The following ZBTB7C variants were observed in gnomAD, a reference collection of about 807,000 sequenced individuals.
The protein encoded by ZBTB7C is zinc finger and BTB domain-containing protein 7C.
Under a neutral mutation model 25.7 loss-of-function variants are expected in ZBTB7C, and 8 were observed. That is an observed-to-expected ratio of 0.31 (90% CI 0.18 to 0.56). The LOEUF (loss-of-function observed/expected upper bound fraction) is 0.56. ZBTB7C is among the 20% of genes least tolerant of loss of function. The pLI, the probability that ZBTB7C is intolerant of heterozygous loss-of-function variation, is 0.91. For synonymous variants in ZBTB7C, 394 were observed against 369.0 expected (o/e 1.07, Z -0.78); for missense variants, 824 against 855.2 (o/e 0.96, Z 0.46).
chr18:48,371,568 G>C (rs575157959), intron 1 of ZBTB7C, among the ~76,000 whole-genome samples: 17 of 152,238 alleles, frequency 1.1e-4, no homozygotes. Flanking sequence ...CTGCCAATGG[G>C]CAGGATAACC....
intron 3 of ZBTB7C, among the ~76,000 whole-genome samples, chr18:48,158,735 A>G (rs2040912215): frequency 6.6e-6 from 1 of 152,204 alleles, no homozygotes. Context: ...TGGTGGAAAC[A>G]GAAGATAGAC....
chr18:48,280,036 G>A (rs111804976), intron 2 of ZBTB7C, among the ~76,000 whole-genome samples: 2 of 152,140 alleles, frequency 1.3e-5, no homozygotes, highest in Non-Finnish European at 2.9e-5. Flanking sequence ...ACTGTGCAAG[G>A]TGCTAGAGAC....
chr18:48,304,840 T>TC (rs2045631914), intron 2 of ZBTB7C, among the ~76,000 whole-genome samples: 1 of 29,222 alleles, frequency 3.4e-5, no homozygotes, highest in South Asian at 9.8e-4. Flanking sequence ...AGGCTCTACC[T>TC]CAAAAAAAAA....
chr18:48,308,333 A>ATCGCCCC (rs1425673771), intron 2 of ZBTB7C, among the ~76,000 whole-genome samples: 3 of 152,156 alleles, frequency 2.0e-5, no homozygotes, highest in Non-Finnish European at 4.4e-5. Context: ...TTGTTCCTCA[A>ATCGCCCC]AGGGCGATTC....
chr18:48,382,542 T>C (rs1227231503), intron 1 of ZBTB7C, among the ~76,000 whole-genome samples: 3 of 152,198 alleles, frequency 2.0e-5, no homozygotes, highest in Non-Finnish European at 4.4e-5. Context: ...TCCCACATCC[T>C]CGGTGACGAC....
chr18:48,151,034 G>A (rs967622174), intron 3 of ZBTB7C, among the ~76,000 whole-genome samples: 5 of 152,176 alleles, frequency 3.3e-5, no homozygotes, highest in African/African-American at 1.2e-4. Context: ...AGATCTCTAA[G>A]GATGCATGCT....
intron 2 of ZBTB7C, among the ~76,000 whole-genome samples, chr18:48,270,390 C>A (rs2044445644): frequency 6.6e-6 from 1 of 150,922 alleles, no homozygotes; most frequent in African/African-American, 2.4e-5. Flanking sequence ...TGCCACCATG[C>A]CCAGCTAATT....
intron 3 of ZBTB7C, among the ~76,000 whole-genome samples, chr18:48,138,517 G>A (rs1404972067): frequency 6.6e-6 from 1 of 152,184 alleles, no homozygotes; most frequent in Non-Finnish European, 1.5e-5. Context: ...GAATGCATCT[G>A]TCAAACCCTC....
chr18:48,222,043 T>C (rs2042976713), intron 2 of ZBTB7C, among the ~76,000 whole-genome samples: 1 of 148,944 alleles, frequency 6.7e-6, no homozygotes, highest in Admixed American at 6.7e-5. Context: ...ACTGCCCTAG[T>C]CTTCTCCTTC....
At chr18:48,315,954 A>G (rs1482963397) in intron 2 of ZBTB7C, among the ~76,000 whole-genome samples, 5 of 152,028 alleles carry the variant, frequency 3.3e-5, no homozygotes, top group African/African-American at 4.8e-5. Flanking sequence ...GTAAGAAAGG[A>G]TCAGCAATTT....
chr18:48,230,792 G>A (rs765227567), intron 2 of ZBTB7C, among the ~76,000 whole-genome samples: 7 of 152,160 alleles, frequency 4.6e-5, no homozygotes, highest in Non-Finnish European at 1.0e-4. Context: ...TGCAGAGTGA[G>A]AGTGCAGACC....
Position 48,029,912 on chromosome 18 carries a change from C to T in ZBTB7C, c.1209-1G>A. On this transcript the variant is annotated splice_acceptor_variant, in intron 4 of 4. Transcript: ENST00000590800. LOFTEE classifies it high-confidence loss of function. ...CATGTGGATTTTCAGCTTGTCCTGCCTGCAATGCAGAGACTGGGGGTCAGT... is the reference window on the plus strand; with the variant it reads ...CATGTGGATTTTCAGCTTGTCCTGCTTGCAATGCAGAGACTGGGGGTCAGT... 1 of 1,610,800 alleles carries T rather than the reference C, an allele frequency of 6.2e-7. No individual in the cohort carries two copies. Among genetic ancestry groups the T allele is most frequent in the Non-Finnish European group, 8.5e-7 (1 of 1,179,972 alleles).
chr18:48,179,673 C>CTCCTTCCTTCCTTCCTTCCT (rs113058200), intron 3 of ZBTB7C, among the ~76,000 whole-genome samples: 25 of 146,162 alleles, frequency 1.7e-4, no homozygotes, highest in African/African-American at 5.9e-4. Flanking sequence ...ATATTTCTCT[C>CTCCTTCCTTCCTTCCTTCCT]TCCTTCCTTC....
rs540090592 is a variant in ZBTB7C, at chr18:48,144,777, G to A, written c.-17+41157C>T. Reference sequence around the variant, plus strand: ...TCTTCACTCCCGATTGAGGGATTGGGGAGTCCATGGGAGAGTTCTACTCCT... The same window carrying A: ...TCTTCACTCCCGATTGAGGGATTGGAGAGTCCATGGGAGAGTTCTACTCCT... On this transcript the variant is annotated intron_variant, in intron 3 of 4. Coordinates refer to ENST00000590800, the MANE Select transcript of ZBTB7C (RefSeq NM_001318841.2). Among the ~76,000 whole-genome samples, 9 of 152,250 alleles carry A rather than the reference G, an allele frequency of 5.9e-5. No homozygotes were observed. In the South Asian group the frequency reaches 1.9e-3, roughly 32 times the overall value.
chr18:48,075,288 C>A (rs559563255), intron 3 of ZBTB7C, among the ~76,000 whole-genome samples: 2 of 152,328 alleles, frequency 1.3e-5, no homozygotes, highest in East Asian at 1.9e-4. Flanking sequence ...CCTTACTGTT[C>A]TATGGGAGAG....
chr18:48,339,848 C>T (rs565730202), intron 1 of ZBTB7C, among the ~76,000 whole-genome samples: 19 of 152,240 alleles, frequency 1.2e-4, no homozygotes, highest in South Asian at 8.3e-4. Flanking sequence ...TTAACAGGAG[C>T]GGCTCAGGCA....
At chr18:48,152,264 T>C (rs569315884) in intron 3 of ZBTB7C, among the ~76,000 whole-genome samples, 11 of 152,304 alleles carry the variant, frequency 7.2e-5, no homozygotes, top group Non-Finnish European at 1.2e-4. Context: ...TATGATCCTT[T>C]TTCTGGGAGA....
At chr18:48,334,057 C>T (rs1245718008) in intron 2 of ZBTB7C, among the ~76,000 whole-genome samples, 1 of 152,164 alleles carries the variant, frequency 6.6e-6, no homozygotes, top group African/African-American at 2.4e-5. Context: ...ATCACAGAAT[C>T]CTCACCAGAC....
At chr18:48,199,867 C>T (rs1446370503) in intron 2 of ZBTB7C, among the ~76,000 whole-genome samples, 1 of 152,200 alleles carries the variant, frequency 6.6e-6, no homozygotes, top group African/African-American at 2.4e-5. Context: ...CTTGGAGACA[C>T]TGCTTACGGC....
Sources: gnomAD v4.1 joint callset for allele counts (sites outside exome capture counted in the v4.1 genomes callset) on GRCh38, gnomAD v4.1.1 for gene constraint, MANE v1.5 for transcripts, NCBI Gene and HGNC (gene_info 2026-07-23, HGNC 2026-07-21) for gene names.